The following PHACTR1 variants were observed in gnomAD, a reference collection of about 807,000 sequenced individuals.
PHACTR1 encodes the protein RPEL repeat containing 1.
PHACTR1 carries 16 observed loss-of-function variants against 69.2 expected under a neutral mutation model. That is an observed-to-expected ratio of 0.23 (90% CI 0.16 to 0.35). The LOEUF (loss-of-function observed/expected upper bound fraction) is 0.35. Ranked by LOEUF, PHACTR1 falls within the 10% of genes least tolerant of loss-of-function variation. PHACTR1 has a pLI of 1.00. For missense variants in PHACTR1, 510 were observed against 734.7 expected (o/e 0.69, Z 3.54); for synonymous variants, 312 against 284.5 (o/e 1.10, Z -0.97).
intron 8 of PHACTR1, among the ~76,000 whole-genome samples, chr6:13,207,073 A>G (rs930455420): frequency 2.6e-5 from 4 of 152,204 alleles, no homozygotes; most frequent in African/African-American, 7.2e-5. Flanking sequence ...GCATGCACAC[A>G]TGCACACGCA....
chr6:12,803,549 G>A (rs1047196410), intron 4 of PHACTR1, among the ~76,000 whole-genome samples: 1 of 152,350 alleles, frequency 6.6e-6, no homozygotes, highest in East Asian at 1.9e-4. Flanking sequence ...CACTCTTAGA[G>A]TGTAAAATGT....
At chr6:13,060,934 T>C (rs1472651233) in intron 5 of PHACTR1, among the ~76,000 whole-genome samples, 3 of 152,216 alleles carry the variant, frequency 2.0e-5, no homozygotes, top group African/African-American at 7.2e-5. Context: ...ATAAACTTGG[T>C]GGCTTAAAAC....
intron 4 of PHACTR1, among the ~76,000 whole-genome samples, chr6:12,859,032 T>A (rs1351982835): frequency 6.6e-6 from 1 of 152,192 alleles, no homozygotes; most frequent in East Asian, 1.9e-4. Context: ...AAGATTCACA[T>A]CCAAGATTTG....
At chr6:13,210,185 T>C (rs1766594441) in intron 8 of PHACTR1, among the ~76,000 whole-genome samples, 1 of 152,054 alleles carries the variant, frequency 6.6e-6, no homozygotes, top group East Asian at 1.9e-4. Flanking sequence ...TTTTTTTTTA[T>C]TATAGTTTTT....
intron 4 of PHACTR1, among the ~76,000 whole-genome samples, chr6:12,979,665 A>G (rs565290014): frequency 2.0e-4 from 31 of 151,270 alleles, no homozygotes; most frequent in Admixed American, 5.9e-4. Flanking sequence ...TTCCCTTTCT[A>G]TGTTTGTATG....
chr6:13,193,564 T>G (rs937358545), intron 7 of PHACTR1, among the ~76,000 whole-genome samples: 1 of 151,114 alleles, frequency 6.6e-6, no homozygotes, highest in African/African-American at 2.4e-5. Flanking sequence ...TTTTTTAAAA[T>G]TTTTTTAGAG....
At position 13,173,068 on chromosome 6, in the gene PHACTR1, C is replaced by T. The variant is rs182412473; in HGVS notation, c.497-9451C>T. Among the ~76,000 whole-genome samples the T allele has an allele frequency of 1.1e-3, 163 of 152,306 alleles. 1 individual carries two copies. Among genetic ancestry groups the T allele is most frequent in the Non-Finnish European group, 1.7e-3 (117 of 68,030 alleles). ...TATAGGTTCCCTGGTCCTACAGTCC[C>T]CTGTAGTGTCTGCCTCAAATCCTGA... On this transcript the variant is annotated intron_variant, in intron 6 of 14. Coordinates refer to ENST00000332995, the MANE Select transcript of PHACTR1 (RefSeq NM_030948.6).
chr6:12,840,520 G>A (rs1778586402), intron 4 of PHACTR1, among the ~76,000 whole-genome samples: 1 of 152,192 alleles, frequency 6.6e-6, no homozygotes, highest in Admixed American at 6.5e-5. Flanking sequence ...CCAGACAGGA[G>A]AGCCTGCCAG....
chr6:13,161,748 T>A (rs1759050318), intron 6 of PHACTR1, among the ~76,000 whole-genome samples: 1 of 152,182 alleles, frequency 6.6e-6, no homozygotes, highest in African/African-American at 2.4e-5. Context: ...TTCATTCTTG[T>A]CATGGGCCTT....
intron 4 of PHACTR1, among the ~76,000 whole-genome samples, chr6:12,953,184 T>A (rs1345984307): frequency 2.0e-5 from 3 of 152,032 alleles, no homozygotes; most frequent in African/African-American, 7.2e-5. Flanking sequence ...TTAGCCGGGC[T>A]TGGTGGCTGG....
chr6:12,920,921 A>C (rs1280804777), intron 4 of PHACTR1, among the ~76,000 whole-genome samples: 1 of 152,230 alleles, frequency 6.6e-6, no homozygotes. Context: ...AAAACATCTC[A>C]TTTAGCTATA....
At chr6:12,926,187 T>C (rs771578505) in intron 4 of PHACTR1, among the ~76,000 whole-genome samples, 101 of 152,224 alleles carry the variant, frequency 6.6e-4, no homozygotes, top group Non-Finnish European at 1.2e-3. Flanking sequence ...GACTTCTTCC[T>C]CGTCTAGAAT....
intron 4 of PHACTR1, among the ~76,000 whole-genome samples, chr6:12,778,689 C>T (rs529786503): frequency 2.5e-4 from 38 of 152,248 alleles, no homozygotes; most frequent in African/African-American, 8.4e-4. Context: ...TGACCATGGA[C>T]ACCAGTTTGA....
At chr6:13,183,638 T>G (rs1762461389) in intron 7 of PHACTR1, among the ~76,000 whole-genome samples, 1 of 151,354 alleles carries the variant, frequency 6.6e-6, no homozygotes, top group Non-Finnish European at 1.5e-5. Context: ...GGAAGGAGGG[T>G]GGGGAGGGGA....
intron 4 of PHACTR1, among the ~76,000 whole-genome samples, chr6:12,905,922 G>A (rs1303447971): frequency 2.6e-5 from 4 of 152,174 alleles, no homozygotes; most frequent in African/African-American, 9.7e-5. Flanking sequence ...TAAAGAGGTT[G>A]AATGAATAAC....
rs1417064046 is a variant in PHACTR1 at position 13,245,683 on chromosome 6, T to G, written c.1391+15490T>G. Among the ~76,000 whole-genome samples, 4 of 152,248 alleles carry G rather than the reference T, an allele frequency of 2.6e-5. No homozygotes were observed. The highest frequency in any genetic ancestry group is 9.6e-5 in the African/African-American group (4 of 41,462). On this transcript the variant is annotated intron_variant, in intron 10 of 14. Transcript: ENST00000332995. This position sits in a 1 kb window ranked among gnomAD's most constrained non-coding sequence, Gnocchi z 4.1. Reference sequence around the variant, plus strand: ...TAATTAGGTGCCATTTGTCAATTTTTTTTTTCGTTGCAATTGCTTTTGGCA... The same window carrying G: ...TAATTAGGTGCCATTTGTCAATTTTGTTTTTCGTTGCAATTGCTTTTGGCA...
intron 4 of PHACTR1, among the ~76,000 whole-genome samples, chr6:13,027,670 A>G (rs966039944): frequency 4.2e-5 from 5 of 119,626 alleles, no homozygotes; most frequent in Non-Finnish European, 9.5e-5. Context: ...GGATGGTAAC[A>G]ATAATATGTG....
chr6:12,929,462 A>G (rs1788635971), intron 4 of PHACTR1, among the ~76,000 whole-genome samples: 1 of 152,160 alleles, frequency 6.6e-6, no homozygotes, highest in Non-Finnish European at 1.5e-5. Context: ...GTGATGGTTA[A>G]ATTTCCCAGA....
chr6:13,143,466 C>T (rs1240421335), intron 5 of PHACTR1, among the ~76,000 whole-genome samples: 3 of 152,222 alleles, frequency 2.0e-5, no homozygotes, highest in South Asian at 4.1e-4. Context: ...GTTTTCTTCT[C>T]GAACTGTGTG....
Sources: allele counts gnomAD v4.1 joint callset (sites outside exome capture counted in the v4.1 genomes callset), GRCh38; gene constraint gnomAD v4.1.1; non-coding constraint Gnocchi (gnomAD v3.1); transcripts MANE v1.5; gene names NCBI Gene and HGNC (gene_info 2026-07-23, HGNC 2026-07-21).